CHD5: variants seen among roughly 807,000 people sequenced by gnomAD.
CHD5 encodes ATP-dependent chromatin remodeler CHD5.
A neutral mutation model predicts 230.3 loss-of-function variants in CHD5; 69 were observed. The ratio of observed to expected loss-of-function variants is 0.30; its 90% CI spans 0.25 to 0.37. The LOEUF (loss-of-function observed/expected upper bound fraction) is 0.37, where lower values mean the gene tolerates loss of function less well. Ranked by LOEUF, CHD5 falls within the 10% of genes least tolerant of loss-of-function variation. The pLI is 1.00. For missense variants in CHD5, 1,827 were observed against 2,622.8 expected, an observed-to-expected ratio of 0.70 and a Z score of 6.63; for synonymous variants, 1,064 against 1,065.9, an observed-to-expected ratio of 1.00 and a Z score of 0.03.
intron 2 of CHD5, among the ~76,000 whole-genome samples, chr1:6,161,111 T>G (rs1667170517): frequency 6.7e-6 from 1 of 149,742 alleles, no homozygotes; most frequent in Non-Finnish European, 1.5e-5. Flanking sequence ...GGAGGGAGGA[T>G]GAAGGAAAGA....
At chr1:6,168,892 G>A (rs568424238) in intron 1 of CHD5, among the ~76,000 whole-genome samples, 2 of 152,156 alleles carry the variant, frequency 1.3e-5, no homozygotes, top group Non-Finnish European at 2.9e-5. Flanking sequence ...GGTGGTGGGC[G>A]CCTGTAATTC....
chr1:6,151,384 C>T (rs936953128), intron 6 of CHD5, among the ~76,000 whole-genome samples: 1 of 152,220 alleles, frequency 6.6e-6, no homozygotes, highest in African/African-American at 2.4e-5. Flanking sequence ...AGACACTTCC[C>T]ACAATTTCCA....
chr1:6,144,285 G>A (rs1666876735), intron 11 of CHD5, 130 bp from the exon 12 acceptor site: 8 of 1,274,116 alleles, frequency 6.3e-6, no homozygotes, highest in Middle Eastern at 2.0e-4. Flanking sequence ...CAGCCAGGAG[G>A]AGGAGACGAG....
intron 15 of CHD5, among the ~76,000 whole-genome samples, chr1:6,139,898 T>C (rs919705143): frequency 6.6e-6 from 1 of 152,130 alleles, no homozygotes; most frequent in South Asian, 2.1e-4. Flanking sequence ...ATCTACAAAG[T>C]CACCTGTGGG....
At chr1:6,150,911 G>T in intron 7 of CHD5, 121 bp downstream of exon 7, 1 of 1,249,832 alleles carries the variant, frequency 8.0e-7, no homozygotes, top group Non-Finnish European at 1.0e-6. Context: ...GCTTCCCACG[G>T]GGAGGTTCCA....
rs906170203 is a variant in CHD5, at chr1:6,128,364, G to A, written c.3730+135C>T. 2.7e-4 allele frequency: 298 copies of A among 1,096,088 alleles called. No homozygotes were observed. The highest frequency in any genetic ancestry group is 4.4e-5 in the South Asian group (3 of 68,826). The allele number at this position is 1,096,088 out of a possible 1,614,324, so 67.9% of individuals were successfully genotyped here. A position where few individuals can be genotyped will look rare whatever the true frequency, so the allele number is the denominator to read the frequency against. On this transcript the variant is annotated intron_variant, in intron 24 of 41. Coordinates refer to ENST00000262450, the MANE Select transcript of CHD5 (RefSeq NM_015557.3). This position sits in a 1 kb window ranked among gnomAD's most constrained non-coding sequence, Gnocchi z 7.8. Reference sequence around the variant, plus strand: ...ATGGTGACCAGACAGAGGAAACTGCGCTGTAACAGCCCCACTCGCCGCCCA... The same window carrying A: ...ATGGTGACCAGACAGAGGAAACTGCACTGTAACAGCCCCACTCGCCGCCCA...
Position 6,125,066 on chromosome 1 carries a change from G to A in CHD5, c.4394+34C>T, listed in dbSNP as rs1666532762. The A allele has an allele frequency of 1.3e-6, 2 of 1,526,116 alleles. No individual in the cohort carries two copies. The highest frequency in any genetic ancestry group is 1.8e-6 in the Non-Finnish European group (2 of 1,131,736). The allele number at this position is 1,526,116 out of a possible 1,614,324, so 94.5% of individuals were successfully genotyped here. Reference sequence around the variant, plus strand: ...GACCCTGCCCTACTCAGGGGCAGGTGGTCACACCCTGGGCCACCACCTAGC... The same window carrying A: ...GACCCTGCCCTACTCAGGGGCAGGTAGTCACACCCTGGGCCACCACCTAGC... On this transcript the variant is annotated intron_variant, in intron 29 of 41. Transcript: ENST00000262450. This position sits in a 1 kb window ranked among gnomAD's most constrained non-coding sequence, Gnocchi z 6.7.
rs575789517 is a variant in CHD5 at position 6,154,778 on chromosome 1, C to T, written c.627G>A (p.Ala209=). Reference sequence around the variant, plus strand: ...CTACAGCCGCAGCCACCGCCGCCGCCGCTGCTGCCGCGGAGCTGCCCTTGA... The same window carrying T: ...CTACAGCCGCAGCCACCGCCGCCGCTGCTGCTGCCGCGGAGCTGCCCTTGA... ...NPFKGSSAAA[A]AAAVAAAVET... Residue 209 remains alanine (A), a synonymous_variant, in exon 5 of 42, where the codon GCG becomes GCA. Transcript: ENST00000262450. This position sits in a 1 kb window ranked among gnomAD's most constrained non-coding sequence, Gnocchi z 7.0. 2.4e-5 allele frequency: 38 copies of T among 1,612,944 alleles called. No individual in the cohort carries two copies. In the East Asian group the frequency reaches 5.8e-4, roughly 25 times the overall value.
At position 6,121,659 on chromosome 1, in the gene CHD5, G is replaced by A. The variant is rs1666473646; in HGVS notation, c.4700-86C>T. On this transcript the variant is annotated intron_variant, in intron 31 of 41. Coordinates refer to ENST00000262450, the MANE Select transcript of CHD5 (RefSeq NM_015557.3). The surrounding 1 kb of genome is among the most constrained non-coding windows in gnomAD (Gnocchi z 4.5). ...GAGTGGGGTGGCAGAGAGGAGAGAT[G>A]GGGGCTTGGCCTTCGGGAGGCTCCA... 3 of 947,614 alleles carry A rather than the reference G, an allele frequency of 3.2e-6. No individual in the cohort carries two copies. Among genetic ancestry groups the A allele is most frequent in the Non-Finnish European group, 3.3e-6 (2 of 614,084 alleles). The allele number at this position is 947,614 out of a possible 1,614,324, so 58.7% of individuals were successfully genotyped here. A position where few individuals can be genotyped will look rare whatever the true frequency, so the allele number is the denominator to read the frequency against.
At chr1:6,120,858 G>A (rs896670349) in intron 33 of CHD5, among the ~76,000 whole-genome samples, 5 of 151,884 alleles carry the variant, frequency 3.3e-5, no homozygotes, top group African/African-American at 7.3e-5. Flanking sequence ...ATCCGAGATG[G>A]TACCACTGCA....
At chr1:6,145,882 T>A (rs931187148) in intron 11 of CHD5, among the ~76,000 whole-genome samples, 1 of 152,146 alleles carries the variant, frequency 6.6e-6, no homozygotes, top group Non-Finnish European at 1.5e-5. Flanking sequence ...GTGGACATAC[T>A]CCCACACCTC....
intron 31 of CHD5, among the ~76,000 whole-genome samples, chr1:6,122,290 C>T (rs1666484294): frequency 6.6e-6 from 1 of 152,236 alleles, no homozygotes; most frequent in African/African-American, 2.4e-5. Context: ...ATACCTAGAT[C>T]ACCAAAGTGA....
chr1:6,107,107 T>G (rs1571134942), intron 38 of CHD5, among the ~76,000 whole-genome samples: 7 of 95,622 alleles, frequency 7.3e-5, no homozygotes, highest in Admixed American at 2.3e-4. Context: ...AATGGAGGGG[T>G]GGAAGGACGG....
intron 2 of CHD5, among the ~76,000 whole-genome samples, chr1:6,161,551 G>A (rs375266017): frequency 1.9e-4 from 29 of 152,334 alleles, no homozygotes; most frequent in East Asian, 5.8e-4. Context: ...TCCGGAACCC[G>A]GGTGTTTCCG....
chr1:6,129,183 G>A lies in CHD5; in HGVS notation c.3388-114C>T. On this transcript the variant is annotated intron_variant, in intron 22 of 41. Coordinates refer to ENST00000262450, the MANE Select transcript of CHD5 (RefSeq NM_015557.3). This position sits in a 1 kb window ranked among gnomAD's most constrained non-coding sequence, Gnocchi z 6.8. Reference sequence around the variant, plus strand: ...TGGGCTGCATGACTGTGTAGGGAAAGGCGTGTGGTGCGTCCAGGTGTGTGG... The same window carrying A: ...TGGGCTGCATGACTGTGTAGGGAAAAGCGTGTGGTGCGTCCAGGTGTGTGG... The A allele has an allele frequency of 2.8e-6, 2 of 720,392 alleles. No homozygotes were observed. Among genetic ancestry groups the A allele is most frequent in the South Asian group, 3.4e-5 (2 of 58,244 alleles). The allele number at this position is 720,392 out of a possible 1,614,324, so 44.6% of individuals were successfully genotyped here. A position where few individuals can be genotyped will look rare whatever the true frequency, so the allele number is the denominator to read the frequency against.
intron 7 of CHD5, 45 bp from the exon 8 acceptor site, chr1:6,149,457 C>T: frequency 1.9e-6 from 3 of 1,560,168 alleles, no homozygotes; most frequent in Non-Finnish European, 2.6e-6. Context: ...ATCCACACTC[C>T]CAGCACACAA....
chr1:6,145,720 C>T (rs1666898663), intron 11 of CHD5, among the ~76,000 whole-genome samples: 1 of 152,212 alleles, frequency 6.6e-6, no homozygotes, highest in Admixed American at 6.5e-5. Context: ...GGGTTCAAAT[C>T]CCAGCTCCAC....
At position 6,105,237 on chromosome 1, in the gene CHD5, A is replaced by T. The variant is rs1194123471; in HGVS notation, c.*237T>A. On this transcript the variant is annotated 3_prime_UTR_variant, in exon 42 of 42. Transcript: ENST00000262450. The surrounding 1 kb of genome is among the most constrained non-coding windows in gnomAD (Gnocchi z 4.8). ...CACGTCCGGCGTGGTTGTGGGGGCA[A>T]CGCTGTGTGGAAGAACACTTGAATT... is the stretch of plus-strand genomic sequence containing the variant. 1 of 361,984 alleles carries T rather than the reference A, an allele frequency of 2.8e-6. No homozygotes were observed. Among genetic ancestry groups the T allele is most frequent in the Non-Finnish European group, 5.7e-6 (1 of 176,296 alleles). 22.4% of individuals were successfully genotyped at this position (361,984 alleles called of 1,614,324 possible).
At chr1:6,144,625 G>A (rs112887342) in intron 11 of CHD5, among the ~76,000 whole-genome samples, 86 of 152,364 alleles carry the variant, frequency 5.6e-4, no homozygotes, top group African/African-American at 1.6e-3. Flanking sequence ...CAATTCCTGC[G>A]TGTGAGGTGG....
Sources: allele counts gnomAD v4.1 joint callset (sites outside exome capture counted in the v4.1 genomes callset), GRCh38; gene constraint gnomAD v4.1.1; non-coding constraint Gnocchi (gnomAD v3.1); transcripts MANE v1.5; gene names NCBI Gene and HGNC (gene_info 2026-07-23, HGNC 2026-07-21).